ROBO2: variants seen among roughly 807,000 people sequenced by gnomAD.
ROBO2 encodes roundabout homolog 2.
Under a neutral mutation model 160.8 loss-of-function variants are expected in ROBO2, and 53 were observed. The observed-to-expected ratio is 0.33, with a 90% CI of 0.26 to 0.41. The LOEUF (loss-of-function observed/expected upper bound fraction) is 0.41, where lower values mean the gene tolerates loss of function less well. Among genes scored for constraint, ROBO2 ranks in the 10% least tolerant of loss-of-function variants. ROBO2 has a pLI of 1.00. For missense variants in ROBO2, 1,577 were observed against 1,722.4 expected (o/e 0.92, Z 1.49); for synonymous variants, 664 against 611.7 (o/e 1.09, Z -1.26).
chr3:76,382,301 C>T (rs1031532800), intron 2 of ROBO2, among the ~76,000 whole-genome samples: 1 of 152,158 alleles, frequency 6.6e-6, no homozygotes, highest in African/African-American at 2.4e-5. Context: ...TTGGTTAAAG[C>T]TTCTTGGCTG....
chr3:76,353,589 A>C (rs775483640), intron 2 of ROBO2, among the ~76,000 whole-genome samples: 1 of 151,854 alleles, frequency 6.6e-6, no homozygotes, highest in African/African-American at 2.4e-5. Context: ...GCAGACATCA[A>C]TAGGTGTTAG....
intron 18 of ROBO2, 26 bp downstream of exon 19, chr3:77,595,210 T>C (rs1240483111): frequency 7.8e-6 from 12 of 1,543,810 alleles, no homozygotes; most frequent in Non-Finnish European, 1.1e-5. Flanking sequence ...TGTTTCATTA[T>C]TATTTTTATT....
chr3:76,622,143 C>T (rs1030927325), intron 2 of ROBO2, among the ~76,000 whole-genome samples: 3 of 148,526 alleles, frequency 2.0e-5, no homozygotes, highest in Admixed American at 1.4e-4. Context: ...CTAGAGTTTG[C>T]GACTAGCCTG....
chr3:77,088,394 CATTTT>C (rs1287629019), intron 1 of ROBO2, among the ~76,000 whole-genome samples: 2 of 152,028 alleles, frequency 1.3e-5, no homozygotes, highest in Non-Finnish European at 2.9e-5. Flanking sequence ...TTATTTGTTA[CATTTT>C]ATTTTATTTT....
At chr3:76,119,928 T>C (rs867242917) in intron 2 of ROBO2, among the ~76,000 whole-genome samples, 1,984 of 88,690 alleles carry the variant, frequency 0.022, 61 homozygotes, top group African/African-American at 0.064. Context: ...CTTCCTTCCT[T>C]CCTTCCTTCC....
intron 2 of ROBO2, among the ~76,000 whole-genome samples, chr3:76,288,508 T>C (rs1708642081): frequency 6.6e-6 from 1 of 152,022 alleles, no homozygotes; most frequent in South Asian, 2.1e-4. Flanking sequence ...TTCCAACTTT[T>C]AGGTTCAGGG....
intron 2 of ROBO2, among the ~76,000 whole-genome samples, chr3:76,918,595 AAT>A (rs1325269264): frequency 6.6e-6 from 1 of 152,198 alleles, no homozygotes; most frequent in Non-Finnish European, 1.5e-5. Flanking sequence ...ATGCTTTGTT[AAT>A]ATGATTTCTT....
chr3:76,886,488 C>G (rs887161459), intron 2 of ROBO2, among the ~76,000 whole-genome samples: 2 of 152,050 alleles, frequency 1.3e-5, no homozygotes, highest in Non-Finnish European at 2.9e-5. Flanking sequence ...TACCCGGAGC[C>G]AAGTCCTCTG....
At chr3:77,407,170 G>C (rs1457989974) in intron 2 of ROBO2, among the ~76,000 whole-genome samples, 3 of 151,970 alleles carry the variant, frequency 2.0e-5, no homozygotes, top group African/African-American at 7.2e-5. Flanking sequence ...AAGTGACAAA[G>C]GAATGGACAG....
rs71104648 is a variant in ROBO2, at chr3:77,057,569, A to ATTTTTTTTT, written c.61+16735_61+16743dup. ...AGCTATACCTTTTAGATTCCAGAGG[A>ATTTTTTTTT]TTTTTTTTTTTTTTTTTTTTGAGAT... On this transcript the variant is annotated intron_variant, in intron 1 of 25. Transcript: ENST00000461745. 2.8e-4 allele frequency among the ~76,000 whole-genome samples: 29 copies of ATTTTTTTTT among 105,258 alleles called. 1 individual carries two copies. Among genetic ancestry groups the ATTTTTTTTT allele is most frequent in the Admixed American group, 6.5e-4 (5 of 7,684 alleles). 69.1% of individuals were successfully genotyped at this position (105,258 alleles called of 152,430 possible). A position where few individuals can be genotyped will look rare whatever the true frequency, so the allele number is the denominator to read the frequency against.
At chr3:76,571,362 T>C (rs1356295280) in intron 2 of ROBO2, among the ~76,000 whole-genome samples, 2 of 152,036 alleles carry the variant, frequency 1.3e-5, no homozygotes, top group African/African-American at 4.8e-5. Flanking sequence ...ATATACAGAA[T>C]TTTTCCAACT....
intron 5 of ROBO2, among the ~76,000 whole-genome samples, chr3:77,512,566 C>A (rs951006652): frequency 6.6e-6 from 1 of 151,836 alleles, no homozygotes; most frequent in Non-Finnish European, 1.5e-5. Context: ...TATAAAAAAT[C>A]AGTACAGGGT....
intron 2 of ROBO2, among the ~76,000 whole-genome samples, chr3:77,344,941 G>A (rs147233738): frequency 3.4e-4 from 51 of 151,974 alleles, no homozygotes; most frequent in African/African-American, 1.2e-3. Context: ...ATTCTTGAAG[G>A]GAATTGCATT....
chr3:76,048,341 CTT>C (rs893381006), intron 2 of ROBO2, among the ~76,000 whole-genome samples: 24 of 152,160 alleles, frequency 1.6e-4, no homozygotes, highest in African/African-American at 4.6e-4. Flanking sequence ...TAAAATTAAA[CTT>C]ATATTTGTGC....
Position 76,434,921 on chromosome 3 carries a change from C to T in ROBO2, c.109+497319C>T, listed in dbSNP as rs1196767579. The T allele has an allele frequency of 3.7e-6, 6 of 1,600,238 alleles. No individual in the cohort carries two copies. The South Asian group carries it at 5.5e-5, about 15-fold the overall frequency. On this transcript the variant is annotated intron_variant, in intron 2 of 26. Transcript: ENST00000487694. Reference sequence around the variant, plus strand: ...CATTCTCTGCACCTAAACCCCAAACCAGCCCATCCCCCAAACCAGCCACAA... The same window carrying T: ...CATTCTCTGCACCTAAACCCCAAACTAGCCCATCCCCCAAACCAGCCACAA...
intron 2 of ROBO2, among the ~76,000 whole-genome samples, chr3:76,211,308 G>T (rs1703132654): frequency 6.6e-6 from 1 of 152,036 alleles, no homozygotes; most frequent in South Asian, 2.1e-4. Context: ...AGAGCTCATA[G>T]TCATTTTATT....
At chr3:76,641,282 T>A (rs1029900158) in intron 2 of ROBO2, among the ~76,000 whole-genome samples, 1 of 152,162 alleles carries the variant, frequency 6.6e-6, no homozygotes, top group Admixed American at 6.5e-5. Flanking sequence ...GCAATCAAGG[T>A]TAAGATCTCC....
At chr3:77,369,051 A>G (rs1239742253) in intron 2 of ROBO2, among the ~76,000 whole-genome samples, 3 of 152,144 alleles carry the variant, frequency 2.0e-5, no homozygotes, top group Non-Finnish European at 4.4e-5. Context: ...ACAGTTTCAC[A>G]TATAAGAGAT....
At chr3:76,188,193 C>G (rs769994760) in intron 2 of ROBO2, among the ~76,000 whole-genome samples, 1 of 151,898 alleles carries the variant, frequency 6.6e-6, no homozygotes, top group Non-Finnish European at 1.5e-5. Context: ...TATATTGAAG[C>G]CTACAGTACC....
Sources: gnomAD v4.1 joint callset for allele counts (sites outside exome capture counted in the v4.1 genomes callset) on GRCh38, gnomAD v4.1.1 for gene constraint, MANE v1.5 for transcripts, NCBI Gene and HGNC (gene_info 2026-07-23, HGNC 2026-07-21) for gene names.